The following DIAPH2 variants were observed in gnomAD, a reference collection of about 807,000 sequenced individuals.
The protein encoded by DIAPH2 is protein diaphanous homolog 2.
Under a neutral mutation model 92.7 loss-of-function variants are expected in DIAPH2, and 35 were observed. The ratio of observed to expected loss-of-function variants is 0.38; its 90% CI spans 0.29 to 0.50. The LOEUF (loss-of-function observed/expected upper bound fraction) is 0.50. Among genes scored for constraint, DIAPH2 ranks in the 20% least tolerant of loss-of-function variants. DIAPH2 has a pLI of 0.94. For missense variants in DIAPH2, 701 were observed against 819.5 expected, an observed-to-expected ratio of 0.86 and a Z score of 1.77; for synonymous variants, 301 against 280.4, an observed-to-expected ratio of 1.07 and a Z score of -0.73.
chrX:97,254,182 A>G (rs761137919), intron 23 of DIAPH2, among the ~76,000 whole-genome samples: 2 of 111,759 alleles, frequency 1.8e-5, no homozygotes, highest in Admixed American at 1.9e-4. Context: ...GAGCCTAAGA[A>G]TGAGGCCTAG....
chrX:96,946,964 T>C (rs1449379574), intron 14 of DIAPH2, among the ~76,000 whole-genome samples: 3 of 111,719 alleles, frequency 2.7e-5, no homozygotes, highest in African/African-American at 9.8e-5. Flanking sequence ...AGAGGCAGTA[T>C]AAAGTCATTT....
intron 21 of DIAPH2, among the ~76,000 whole-genome samples, chrX:97,127,696 C>G (rs767518200): frequency 8.0e-5 from 9 of 112,573 alleles, no homozygotes; most frequent in Non-Finnish European, 1.7e-4. Context: ...AGGTTTTTAA[C>G]TGACATACTA....
At chrX:96,962,296 T>TAC (rs1158631274) in intron 16 of DIAPH2, among the ~76,000 whole-genome samples, 9 of 60,055 alleles carry the variant, frequency 1.5e-4, no homozygotes, top group African/African-American at 4.8e-4. Context: ...CATATATATA[T>TAC]ATACATATAT....
intron 23 of DIAPH2, among the ~76,000 whole-genome samples, chrX:97,345,815 A>G: frequency 8.9e-6 from 1 of 111,759 alleles, no homozygotes; most frequent in East Asian, 2.8e-4. Context: ...TATGACAATC[A>G]AAAGTTACTA....
chrX:96,829,460 T>A (rs1569407159), intron 4 of DIAPH2, among the ~76,000 whole-genome samples: 1 of 36,732 alleles, frequency 2.7e-5, no homozygotes, highest in Non-Finnish European at 4.1e-5. Flanking sequence ...TATATATATA[T>A]AAAACAAGGC....
At chrX:97,421,633 G>T (rs994617935) in intron 25 of DIAPH2, among the ~76,000 whole-genome samples, 7 of 111,725 alleles carry the variant, frequency 6.3e-5, no homozygotes, top group Non-Finnish European at 5.6e-5. Flanking sequence ...TGTACCTAGA[G>T]TTCTATGCAG....
intron 22 of DIAPH2, among the ~76,000 whole-genome samples, chrX:97,145,321 T>TAGTAGTAGC (rs2067238923): frequency 1.9e-5 from 2 of 107,622 alleles, no homozygotes; most frequent in Admixed American, 2.0e-4. Context: ...GTAGTAGTAG[T>TAGTAGTAGC]AGTGGTAGTA....
intron 17 of DIAPH2, among the ~76,000 whole-genome samples, chrX:97,063,452 A>G (rs1030747185): frequency 2.7e-5 from 3 of 112,021 alleles, no homozygotes; most frequent in African/African-American, 9.7e-5. Flanking sequence ...TTCAACCCCA[A>G]TAAGGATGGG....
intron 2 of DIAPH2, 60 bp from the exon 3 acceptor site, chrX:96,738,526 C>T: frequency 1.0e-6 from 1 of 980,297 alleles, no homozygotes; most frequent in African/African-American, 1.9e-5. Context: ...TTCAATTCTT[C>T]ATGTTAGTAG....
chrX:96,896,929 A>G (rs1409092657), intron 5 of DIAPH2, among the ~76,000 whole-genome samples: 1 of 111,640 alleles, frequency 9.0e-6, no homozygotes, highest in Non-Finnish European at 1.9e-5. Context: ...TTATTTCACT[A>G]TAATATAAGA....
chrX:97,370,491 G>A (rs777107845), intron 24 of DIAPH2, among the ~76,000 whole-genome samples: 1 of 112,045 alleles, frequency 8.9e-6, no homozygotes, highest in Non-Finnish European at 1.9e-5. Context: ...TGAATTAGCA[G>A]TATATGAGGT....
Position 97,286,458 on chromosome X carries a change from T to A in DIAPH2, c.2844+38619T>A, listed in dbSNP as rs941595094. Reference sequence around the variant, plus strand: ...TGTTTTCTGCTTCCAAGCTGGGCTGTTGCAATGCTAGAGGGGGCAAGGTAC... The same window carrying A: ...TGTTTTCTGCTTCCAAGCTGGGCTGATGCAATGCTAGAGGGGGCAAGGTAC... On this transcript the variant is annotated intron_variant, in intron 23 of 26. Coordinates refer to ENST00000324765, the MANE Select transcript of DIAPH2 (RefSeq NM_006729.5). Among the ~76,000 whole-genome samples, 8 of 111,593 alleles carry A rather than the reference T, an allele frequency of 7.2e-5. No individual in the cohort carries two copies. In the Admixed American group the frequency reaches 7.7e-4, roughly 11 times the overall value.
chrX:97,350,573 A>C (rs1490209043), intron 24 of DIAPH2, among the ~76,000 whole-genome samples: 1 of 111,840 alleles, frequency 8.9e-6, no homozygotes, highest in Non-Finnish European at 1.9e-5. Context: ...TGTTTTTTAA[A>C]AATGTAAGAA....
intron 21 of DIAPH2, among the ~76,000 whole-genome samples, chrX:97,134,833 C>G (rs1170477688): frequency 8.9e-6 from 1 of 111,814 alleles, no homozygotes; most frequent in Non-Finnish European, 1.9e-5. Context: ...TCTGCTACCT[C>G]CTGTATTATC....
chrX:96,946,040 TCA>T (rs1303113430), intron 14 of DIAPH2, among the ~76,000 whole-genome samples: 3 of 111,815 alleles, frequency 2.7e-5, no homozygotes, highest in South Asian at 3.8e-4. Context: ...TCTCTCTTTC[TCA>T]CTCTCTTTCT....
intron 22 of DIAPH2, among the ~76,000 whole-genome samples, chrX:97,229,939 A>G (rs892181446): frequency 9.3e-6 from 1 of 107,685 alleles, no homozygotes; most frequent in Admixed American, 1.0e-4. Flanking sequence ...TATAATAGCA[A>G]AAGCCTTGAT....
chrX:97,167,634 T>C (rs2067421562), intron 22 of DIAPH2, among the ~76,000 whole-genome samples: 1 of 112,012 alleles, frequency 8.9e-6, no homozygotes, highest in South Asian at 3.8e-4. Flanking sequence ...ATTAGGTCAT[T>C]ATGTCTCTTC....
chrX:97,288,526 G>T (rs1049390027), intron 23 of DIAPH2, among the ~76,000 whole-genome samples: 1 of 110,363 alleles, frequency 9.1e-6, no homozygotes, highest in Non-Finnish European at 1.9e-5. Context: ...GGTGGATCAC[G>T]AGGTCAGGAG....
chrX:96,930,375 A>G (rs893541801), intron 9 of DIAPH2, among the ~76,000 whole-genome samples: 6 of 110,771 alleles, frequency 5.4e-5, no homozygotes, highest in African/African-American at 2.0e-4. Context: ...ATTGAGGCCA[A>G]GTGTACTGTG....
Sources: gnomAD v4.1 joint callset for allele counts (sites outside exome capture counted in the v4.1 genomes callset) on GRCh38, gnomAD v4.1.1 for gene constraint, MANE v1.5 for transcripts, NCBI Gene and HGNC (gene_info 2026-07-23, HGNC 2026-07-21) for gene names.